Variants in EYS observed in about 807,000 individuals in gnomAD.
EYS encodes EGF-like photoreceptor maintenance factor, also known as protein eyes shut homolog.
A neutral mutation model predicts 282.1 loss-of-function variants in EYS; 250 were observed. That is an observed-to-expected ratio of 0.89 (90% CI 0.80 to 0.98). The LOEUF (loss-of-function observed/expected upper bound fraction) is 0.98. Among genes scored for constraint, EYS ranks in the 50% least tolerant of loss-of-function variants. EYS has a pLI of 0.00. For synonymous variants in EYS, 1,355 were observed against 1,282.9 expected, an observed-to-expected ratio of 1.06 and a Z score of -1.20; for missense variants, 4,016 against 3,709.0, an observed-to-expected ratio of 1.08 and a Z score of -2.15.
At chr6:63,955,680 G>T (rs1765785850) in intron 35 of EYS, among the ~76,000 whole-genome samples, 9 of 152,024 alleles carry the variant, frequency 5.9e-5, no homozygotes, top group Admixed American at 5.9e-4. Context: ...GAAGAGTTTT[G>T]TTTTTGCCTA....
intron 12 of EYS, among the ~76,000 whole-genome samples, chr6:65,200,715 A>G (rs1765879405): frequency 1.4e-5 from 2 of 148,104 alleles, no homozygotes; most frequent in Non-Finnish European, 3.0e-5. Flanking sequence ...TCTGTTCTTT[A>G]AATTGCTCTA....
chr6:64,634,774 G>C lies in EYS; in HGVS notation c.3444-8529C>G, dbSNP rs560801838. ...AAATTCAAACTACACTGAGAACTTT[G>C]GTTAAGATAATTTTTCTCTTCTATA... On this transcript the variant is annotated intron_variant, in intron 22 of 42. Transcript: ENST00000503581. Among the ~76,000 whole-genome samples, 13 of 152,174 alleles carry C rather than the reference G, an allele frequency of 8.5e-5. No individual in the cohort carries two copies. In the South Asian group the frequency reaches 2.7e-3, roughly 32 times the overall value.
intron 12 of EYS, among the ~76,000 whole-genome samples, chr6:65,250,229 T>C (rs559761864): frequency 2.0e-5 from 3 of 152,194 alleles, no homozygotes; most frequent in African/African-American, 4.8e-5. Context: ...TGCTCTATTA[T>C]ATGCATGATG....
intron 5 of EYS, among the ~76,000 whole-genome samples, chr6:65,415,124 A>C (rs1026287261): frequency 6.6e-6 from 1 of 152,186 alleles, no homozygotes; most frequent in Non-Finnish European, 1.5e-5. Flanking sequence ...ATGGCGATTT[A>C]ATAAACATTA....
chr6:65,348,352 C>G (rs1354585128), intron 9 of EYS, among the ~76,000 whole-genome samples: 1 of 151,700 alleles, frequency 6.6e-6, no homozygotes, highest in African/African-American at 2.4e-5. Context: ...TTCCCACCAA[C>G]AGTGTACAAG....
chr6:65,001,256 G>T (rs550929275), intron 13 of EYS, among the ~76,000 whole-genome samples: 1 of 147,772 alleles, frequency 6.8e-6, no homozygotes, highest in Non-Finnish European at 1.5e-5. Flanking sequence ...TCACACATGG[G>T]CTTGAAGGTT....
At chr6:64,000,163 T>TA (rs1331542290) in intron 33 of EYS, among the ~76,000 whole-genome samples, 1 of 127,810 alleles carries the variant, frequency 7.8e-6, no homozygotes, top group Non-Finnish European at 1.6e-5. Flanking sequence ...TCCCAAGACA[T>TA]GGGACTTTTT....
intron 21 of EYS, among the ~76,000 whole-genome samples, chr6:64,819,259 A>G (rs1764828909): frequency 6.6e-6 from 1 of 152,142 alleles, no homozygotes; most frequent in African/African-American, 2.4e-5. Flanking sequence ...TTATATCTCA[A>G]TTTCTTATAG....
intron 35 of EYS, among the ~76,000 whole-genome samples, chr6:63,909,051 T>C (rs1339788742): frequency 2.6e-5 from 4 of 151,902 alleles, no homozygotes; most frequent in African/African-American, 4.8e-5. Flanking sequence ...TGAGGTGAGA[T>C]ATGGAGGAAA....
chr6:63,826,341 C>T (rs1208473195), intron 36 of EYS, among the ~76,000 whole-genome samples: 2 of 152,150 alleles, frequency 1.3e-5, no homozygotes, highest in South Asian at 2.1e-4. Flanking sequence ...GGAAAACTTT[C>T]CCAGCCTTGC....
At chr6:64,675,361 A>C (rs1769614338) in intron 22 of EYS, among the ~76,000 whole-genome samples, 1 of 151,930 alleles carries the variant, frequency 6.6e-6, no homozygotes, top group Non-Finnish European at 1.5e-5. Flanking sequence ...TCCTAAACTA[A>C]AGATTCTGGT....
At chr6:64,675,155 T>C (rs1664390711) in intron 22 of EYS, among the ~76,000 whole-genome samples, 1 of 152,142 alleles carries the variant, frequency 6.6e-6, no homozygotes, top group Admixed American at 6.5e-5. Flanking sequence ...TCATTTTTTC[T>C]ATCTTAAATT....
intron 11 of EYS, among the ~76,000 whole-genome samples, chr6:65,325,458 G>T (rs542059591): frequency 9.2e-5 from 14 of 152,262 alleles, no homozygotes; most frequent in African/African-American, 2.9e-4. Context: ...GCATAGGAGG[G>T]AGAATGACTT....
intron 12 of EYS, among the ~76,000 whole-genome samples, chr6:65,155,203 C>T (rs1458476742): frequency 2.6e-5 from 4 of 151,454 alleles, no homozygotes; most frequent in African/African-American, 9.7e-5. Flanking sequence ...TTACCACTGA[C>T]AGGTTAGTAT....
At chr6:64,046,057 T>C (rs1458147485) in intron 33 of EYS, among the ~76,000 whole-genome samples, 1 of 147,834 alleles carries the variant, frequency 6.8e-6, no homozygotes, top group African/African-American at 2.5e-5. Flanking sequence ...ATAATATATG[T>C]ATTATATTTT....
intron 14 of EYS, among the ~76,000 whole-genome samples, chr6:64,996,689 T>C (rs1771275224): frequency 1.3e-5 from 2 of 152,192 alleles, no homozygotes; most frequent in South Asian, 4.1e-4. Context: ...GTTATTCCAT[T>C]AGGTATCTGC....
At chr6:64,659,262 A>G (rs1768893764) in intron 22 of EYS, among the ~76,000 whole-genome samples, 2 of 152,202 alleles carry the variant, frequency 1.3e-5, no homozygotes, top group African/African-American at 2.4e-5. Context: ...TTATAGCACT[A>G]AATGCCCACA....
intron 12 of EYS, among the ~76,000 whole-genome samples, chr6:65,185,607 C>T (rs1223492752): frequency 6.6e-5 from 10 of 151,640 alleles, no homozygotes; most frequent in Admixed American, 4.6e-4. Context: ...TGTAACCTAC[C>T]TTACTTTAAT....
chr6:64,581,455 G>A (rs1766064678), intron 26 of EYS, among the ~76,000 whole-genome samples: 1 of 151,930 alleles, frequency 6.6e-6, no homozygotes, highest in Admixed American at 6.6e-5. Flanking sequence ...TTGTTTTATG[G>A]TCTTTATCTA....
Sources: allele counts gnomAD v4.1 joint callset (sites outside exome capture counted in the v4.1 genomes callset), GRCh38; gene constraint gnomAD v4.1.1; transcripts MANE v1.5; gene names NCBI Gene and HGNC (gene_info 2026-07-23, HGNC 2026-07-21).